The following TENM3 variants were observed in gnomAD, a reference collection of about 807,000 sequenced individuals.
The protein encoded by TENM3 is teneurin-3.
In TENM3, 63 loss-of-function variants were observed where a neutral mutation model predicts 255.1. The observed-to-expected ratio is 0.25, with a 90% CI of 0.20 to 0.30. The LOEUF is 0.30. Ranked by LOEUF, TENM3 falls within the 10% of genes least tolerant of loss-of-function variation. The pLI, the probability that TENM3 is intolerant of heterozygous loss-of-function variation, is 1.00. For missense variants in TENM3, 2,929 were observed against 3,461.1 expected (o/e 0.85, Z 3.86); for synonymous variants, 1,306 against 1,322.3 (o/e 0.99, Z 0.27).
At chr4:181,472,915 C>T in the TENM3 span, among the ~76,000 whole-genome samples, 8 of 152,138 alleles carry the variant, frequency 5.3e-5, no homozygotes, top group Non-Finnish European at 8.8e-5. Flanking sequence ...AAATGGAATT[C>T]ATACATTTTA....
chr4:182,292,779 C>A (rs1488357043), intron 1 of TENM3, among the ~76,000 whole-genome samples: 1 of 152,142 alleles, frequency 6.6e-6, no homozygotes, highest in Non-Finnish European at 1.5e-5. Context: ...TAAACAAGGA[C>A]AACTTGAGTG....
At chr4:182,669,460 C>T (rs1268867253) in intron 6 of TENM3, among the ~76,000 whole-genome samples, 4 of 151,936 alleles carry the variant, frequency 2.6e-5, no homozygotes, top group Admixed American at 6.6e-5. Flanking sequence ...TTAGTAGAGA[C>T]GGGGTTTCAC....
At chr4:182,314,079 G>C (rs761268303) in intron 1 of TENM3, among the ~76,000 whole-genome samples, 2 of 152,120 alleles carry the variant, frequency 1.3e-5, no homozygotes, top group African/African-American at 4.8e-5. Context: ...TGGGGAGTCC[G>C]AGGCAGGCAG....
chr4:181,788,732 A>C, the TENM3 span, among the ~76,000 whole-genome samples: 2 of 152,168 alleles, frequency 1.3e-5, no homozygotes, highest in African/African-American at 4.8e-5. Flanking sequence ...TGTTAGGACT[A>C]TACTACAGGC....
At chr4:181,454,642 TCTGGTGTG>T in the TENM3 span, among the ~76,000 whole-genome samples, 2 of 111,366 alleles carry the variant, frequency 1.8e-5, no homozygotes, top group Non-Finnish European at 3.8e-5. Context: ...ACCATTTTTT[TCTGGTGTG>T]CCTTTTCTAT....
chr4:182,746,124 C>A (rs1761996550), intron 19 of TENM3, among the ~76,000 whole-genome samples: 1 of 152,160 alleles, frequency 6.6e-6, no homozygotes, highest in Non-Finnish European at 1.5e-5. Context: ...AAAATACCTC[C>A]TCTCAGAACT....
At chr4:182,573,957 C>T (rs1320609193) in intron 3 of TENM3, among the ~76,000 whole-genome samples, 2 of 151,960 alleles carry the variant, frequency 1.3e-5, no homozygotes, top group East Asian at 3.9e-4. Flanking sequence ...AAATAGGTTA[C>T]AATAAAATAT....
the TENM3 span, among the ~76,000 whole-genome samples, chr4:181,579,853 C>G: frequency 2.6e-5 from 4 of 152,126 alleles, no homozygotes; most frequent in African/African-American, 9.7e-5. Context: ...AACCTACCCA[C>G]CTGGGCTAAG....
chr4:181,453,536 C>T, the TENM3 span, among the ~76,000 whole-genome samples: 8 of 149,844 alleles, frequency 5.3e-5, no homozygotes, highest in Non-Finnish European at 8.9e-5. Context: ...AAACTCTTAA[C>T]GAAGAGTCAT....
the TENM3 span, among the ~76,000 whole-genome samples, chr4:181,985,210 TAAAAG>T: frequency 6.8e-6 from 1 of 146,850 alleles, no homozygotes; most frequent in Non-Finnish European, 1.5e-5. Flanking sequence ...GTAATACTCA[TAAAAG>T]AAAAAAAAAA....
chr4:181,919,718 A>C, the TENM3 span, among the ~76,000 whole-genome samples: 8 of 151,826 alleles, frequency 5.3e-5, no homozygotes, highest in South Asian at 1.7e-3. Context: ...AATACAGAAA[A>C]ATTTTTTTTT....
chr4:182,704,812 TAC>T (rs776395431), intron 12 of TENM3, among the ~76,000 whole-genome samples: 9 of 145,674 alleles, frequency 6.2e-5, no homozygotes, highest in Non-Finnish European at 1.0e-4. Flanking sequence ...CACACATGCA[TAC>T]ACACAAACTT....
chr4:182,562,669 A>G (rs906722018), intron 3 of TENM3, among the ~76,000 whole-genome samples: 2 of 152,054 alleles, frequency 1.3e-5, no homozygotes, highest in Non-Finnish European at 2.9e-5. Context: ...CTCCTATCCT[A>G]TGCTACTTTA....
intron 2 of TENM3, among the ~76,000 whole-genome samples, chr4:182,344,815 A>G (rs1229243628): frequency 2.6e-5 from 4 of 152,208 alleles, no homozygotes; most frequent in Non-Finnish European, 1.5e-5. Flanking sequence ...TACAAGTGAC[A>G]TATAAATAGC....
intron 4 of TENM3, among the ~76,000 whole-genome samples, chr4:182,601,960 C>G (rs1176989188): frequency 6.6e-6 from 1 of 152,206 alleles, no homozygotes; most frequent in East Asian, 1.9e-4. Context: ...CATTAAGGTT[C>G]AAAGTTAGGA....
the TENM3 span, among the ~76,000 whole-genome samples, chr4:182,104,534 CAG>C: frequency 9.8e-6 from 1 of 102,126 alleles, no homozygotes; most frequent in Non-Finnish European, 1.8e-5. Flanking sequence ...TTTTTTGAGA[CAG>C]AGTCTTGCTC....
Position 182,702,764 on chromosome 4 carries a change from G to A in TENM3, c.2222-11323G>A, listed in dbSNP as rs576921782. Among the ~76,000 whole-genome samples, 9 of 150,144 alleles carry A rather than the reference G, an allele frequency of 6.0e-5. No homozygotes were observed. In the South Asian group the frequency reaches 1.9e-3, roughly 32 times the overall value. On this transcript the variant is annotated intron_variant, in intron 12 of 27. Coordinates refer to ENST00000511685, the MANE Select transcript of TENM3 (RefSeq NM_001080477.4). ...TTTTTTTTTCTTTTTTTGAGACGGCGTCTGGCTCTGTCGCCCAGGCTGGAG... is the reference window on the plus strand; with the variant it reads ...TTTTTTTTTCTTTTTTTGAGACGGCATCTGGCTCTGTCGCCCAGGCTGGAG...
chr4:181,538,883 G>A, the TENM3 span, among the ~76,000 whole-genome samples: 1 of 152,136 alleles, frequency 6.6e-6, no homozygotes, highest in South Asian at 2.1e-4. Flanking sequence ...ACAATAACAG[G>A]TGTAATCCAA....
the TENM3 span, among the ~76,000 whole-genome samples, chr4:181,891,819 G>A: frequency 6.6e-6 from 1 of 152,128 alleles, no homozygotes; most frequent in African/African-American, 2.4e-5. Flanking sequence ...GGATCTGAAT[G>A]TGTACCCTCC....
Sources: gnomAD v4.1 joint callset for allele counts (sites outside exome capture counted in the v4.1 genomes callset) on GRCh38, gnomAD v4.1.1 for gene constraint, MANE v1.5 for transcripts, NCBI Gene and HGNC (gene_info 2026-07-23, HGNC 2026-07-21) for gene names.